The following WDR27 variants were observed in gnomAD, a reference collection of about 807,000 sequenced individuals.
WDR27 encodes WD repeat-containing protein 27.
WDR27 carries 100 observed loss-of-function variants against 114.4 expected under a neutral mutation model. The ratio of observed to expected loss-of-function variants is 0.87; its 90% CI spans 0.74 to 1.03. The LOEUF is 1.03. Ranked by LOEUF, WDR27 falls within the 50% of genes least tolerant of loss-of-function variation. The pLI is 0.00. For synonymous variants in WDR27, 449 were observed against 423.1 expected, an observed-to-expected ratio of 1.06 and a Z score of -0.75; for missense variants, 1,129 against 1,092.9, an observed-to-expected ratio of 1.03 and a Z score of -0.47.
chr6:169,665,355 T>G (rs1248776108), intron 7 of WDR27, 131 bp downstream of exon 7: 1 of 1,434,334 alleles, frequency 7.0e-7, no homozygotes, highest in East Asian at 2.6e-5. Context: ...GGTCACGTTC[T>G]CAGCACTGAG....
rs1187198796 is a variant in WDR27 at position 169,644,765 on chromosome 6, T to C, written c.1658-979A>G. Among the ~76,000 whole-genome samples the C allele has an allele frequency of 6.5e-5, 4 of 61,892 alleles. 2 individuals carry two copies. Among genetic ancestry groups the C allele is most frequent in the African/African-American group, 4.5e-4 (4 of 8,932 alleles). The allele number at this position is 61,892 out of a possible 152,430, so 40.6% of individuals were successfully genotyped here. A position where few individuals can be genotyped will look rare whatever the true frequency, so the allele number is the denominator to read the frequency against. ...TGGCTCACGCCTGTAATCCCAGCACTTTGGGAGGCCGAGGCGGGCGGATCA... is the reference window on the plus strand; with the variant it reads ...TGGCTCACGCCTGTAATCCCAGCACCTTGGGAGGCCGAGGCGGGCGGATCA... On this transcript the variant is annotated intron_variant, in intron 16 of 25. Coordinates refer to ENST00000448612, the MANE Select transcript of WDR27 (RefSeq NM_182552.5).
At chr6:169,544,426 CT>C (rs201281369) in intron 25 of WDR27, among the ~76,000 whole-genome samples, 4,320 of 140,684 alleles carry the variant, frequency 0.031, 71 homozygotes, top group East Asian at 0.085. Flanking sequence ...ATTTCTTTTC[CT>C]TTTTTTTTTT....
In WDR27 at chr6:169,496,926, T is replaced by C. The variant is rs188500088; in HGVS notation, c.2646-39292A>G. Among the ~76,000 whole-genome samples the C allele has an allele frequency of 2.2e-4, 34 of 152,244 alleles. No homozygotes were observed. In the East Asian group the frequency reaches 6.4e-3, roughly 29 times the overall value. On this transcript the variant is annotated intron_variant, in intron 25 of 25. Transcript: ENST00000448612. ...TGATCCCAATGATGTTTTCTGAAGATATGGAAAAATCCATCCTAAAATTCA... is the reference window on the plus strand; with the variant it reads ...TGATCCCAATGATGTTTTCTGAAGACATGGAAAAATCCATCCTAAAATTCA...
intron 17 of WDR27, 119 bp downstream of exon 17, chr6:169,643,578 A>G (rs759728360): frequency 2.4e-5 from 18 of 744,370 alleles, no homozygotes; most frequent in Non-Finnish European, 3.7e-5. Context: ...AATTCAAGCC[A>G]TGGCTTTGGT....
chr6:169,649,093 T>G (rs1457119549), intron 15 of WDR27, 105 bp downstream of exon 15: 7 of 887,524 alleles, frequency 7.9e-6, no homozygotes, highest in Non-Finnish European at 1.3e-5. Flanking sequence ...TGTAAACACA[T>G]GTACACATAT....
At chr6:169,633,744 T>C (rs950581538) in intron 20 of WDR27, among the ~76,000 whole-genome samples, 4 of 152,206 alleles carry the variant, frequency 2.6e-5, no homozygotes, top group Non-Finnish European at 5.9e-5. Context: ...ACTCTCGTAT[T>C]CCAGAAACCA....
At chr6:169,689,674 T>C (rs1053255509) in intron 1 of WDR27, among the ~76,000 whole-genome samples, 5 of 152,216 alleles carry the variant, frequency 3.3e-5, no homozygotes, top group Non-Finnish European at 7.3e-5. Context: ...CTTCACAGCA[T>C]AATCACTTCA....
intron 25 of WDR27, among the ~76,000 whole-genome samples, chr6:169,473,566 T>G (rs1786721795): frequency 2.0e-5 from 3 of 152,092 alleles, no homozygotes; most frequent in Admixed American, 2.0e-4. Context: ...TTAAAATGAA[T>G]GACTAACTCA....
At chr6:169,680,418 T>A (rs1781198311) in intron 2 of WDR27, among the ~76,000 whole-genome samples, 2 of 152,076 alleles carry the variant, frequency 1.3e-5, no homozygotes, top group South Asian at 4.1e-4. Flanking sequence ...CTGTCTCTAC[T>A]AAAAATACAA....
chr6:169,499,245 G>A lies in WDR27; in HGVS notation c.2646-41611C>T, dbSNP rs79360224. On this transcript the variant is annotated intron_variant, in intron 25 of 25. Transcript: ENST00000448612. ...GAAGTATGTTCTCCCGGAGCCCAGC[G>A]TCAGCACCGAGGGTGCACAGCAGAA... Among the ~76,000 whole-genome samples, 783 of 152,322 alleles carry A rather than the reference G, an allele frequency of 5.1e-3. 5 individuals carry two copies. Among genetic ancestry groups the A allele is most frequent in the African/African-American group, 0.018 (741 of 41,566 alleles).
chr6:169,504,069 G>A (rs1791690259), intron 25 of WDR27, among the ~76,000 whole-genome samples: 1 of 151,912 alleles, frequency 6.6e-6, no homozygotes, highest in South Asian at 2.1e-4. Flanking sequence ...ATTAATGAGT[G>A]GATAGATAAA....
At position 169,480,265 on chromosome 6, in the gene WDR27, G is replaced by A. The variant is rs560513049; in HGVS notation, c.2646-22631C>T. Among the ~76,000 whole-genome samples, 58 of 152,288 alleles carry A rather than the reference G, an allele frequency of 3.8e-4. 1 individual carries two copies. The South Asian group carries it at 7.5e-3, about 20-fold the overall frequency. On this transcript the variant is annotated intron_variant, in intron 25 of 25. Coordinates refer to ENST00000448612, the MANE Select transcript of WDR27 (RefSeq NM_182552.5). ...CTCGAATTCTCGCCAGGCTTCAGCCGCCTCCCCGCGGGGCAGGGCTCGGGA... is the reference window on the plus strand; with the variant it reads ...CTCGAATTCTCGCCAGGCTTCAGCCACCTCCCCGCGGGGCAGGGCTCGGGA...
At chr6:169,699,546 G>A (rs566429264) in intron 1 of WDR27, among the ~76,000 whole-genome samples, 3 of 152,272 alleles carry the variant, frequency 2.0e-5, no homozygotes, top group South Asian at 2.1e-4. Context: ...ACAGAGTAAG[G>A]GCACACGGTG....
At chr6:169,696,332 G>T (rs141935154) in intron 1 of WDR27, among the ~76,000 whole-genome samples, 3 of 152,266 alleles carry the variant, frequency 2.0e-5, no homozygotes, top group Non-Finnish European at 4.4e-5. Flanking sequence ...TGAAGCTTAC[G>T]AGGAAGAAGT....
In WDR27 at chr6:169,569,266, CTA is replaced by C. The variant is rs1800986443; in HGVS notation, c.2645+3151_2645+3152del. Among the ~76,000 whole-genome samples, 4 of 152,154 alleles carry C rather than the reference CTA, an allele frequency of 2.6e-5. 1 individual carries two copies. The Middle Eastern group carries it at 0.014, about 518-fold the overall frequency. On this transcript the variant is annotated intron_variant, in intron 25 of 25. Coordinates refer to ENST00000448612, the MANE Select transcript of WDR27 (RefSeq NM_182552.5). ...ATTAAACACTTAACGTTTTAAAACCCTAGTCTCTAAGCCTTTAATCCTATTTA... is the reference window on the plus strand; with the variant it reads ...ATTAAACACTTAACGTTTTAAAACCCGTCTCTAAGCCTTTAATCCTATTTA...
At chr6:169,449,554 A>AG in the WDR27 span, among the ~76,000 whole-genome samples, 2 of 152,174 alleles carry the variant, frequency 1.3e-5, no homozygotes, top group African/African-American at 4.8e-5. Flanking sequence ...GGCCTGCCTG[A>AG]GCAGCCGTGT....
chr6:169,658,129 G>A (rs964719626), intron 13 of WDR27, 147 bp downstream of exon 13: 2 of 667,020 alleles, frequency 3.0e-6, no homozygotes, highest in Admixed American at 2.2e-5. Context: ...ACACGCACGA[G>A]AGGCAGAGAC....
At chr6:169,652,241 G>GTT (rs1430662502) in intron 13 of WDR27, among the ~76,000 whole-genome samples, 8 of 152,148 alleles carry the variant, frequency 5.3e-5, no homozygotes, top group Non-Finnish European at 1.2e-4. Context: ...TTTTGTTGTT[G>GTT]TTGTTTTGTT....
chr6:169,533,506 C>T (rs1198102008), intron 25 of WDR27, among the ~76,000 whole-genome samples: 1 of 152,142 alleles, frequency 6.6e-6, no homozygotes, highest in Non-Finnish European at 1.5e-5. Context: ...CAGAAGTTCC[C>T]TAAAGACAGC....
Sources: gnomAD v4.1 joint callset for allele counts (sites outside exome capture counted in the v4.1 genomes callset) on GRCh38, gnomAD v4.1.1 for gene constraint, MANE v1.5 for transcripts, NCBI Gene and HGNC (gene_info 2026-07-23, HGNC 2026-07-21) for gene names.